Variants in NADSYN1 observed in about 807,000 individuals in gnomAD.
NADSYN1 encodes the protein NAD synthetase 1.
A neutral mutation model predicts 99.3 loss-of-function variants in NADSYN1; 80 were observed. That is an observed-to-expected ratio of 0.81 (90% CI 0.67 to 0.97). The LOEUF is 0.97. Ranked by LOEUF, NADSYN1 falls within the 50% of genes least tolerant of loss-of-function variation. NADSYN1 has a pLI of 0.00. For synonymous variants in NADSYN1, 385 were observed against 372.1 expected (o/e 1.03, Z -0.40); for missense variants, 859 against 948.5 (o/e 0.91, Z 1.24).
At chr11:71,463,521 G>T in intron 4 of NADSYN1, 36 bp downstream of exon 4, 1 of 1,595,792 alleles carries the variant, frequency 6.3e-7, no homozygotes, top group Non-Finnish European at 8.6e-7. Flanking sequence ...AGGGTGACTG[G>T]GGCCTCTCCC....
intron 16 of NADSYN1, among the ~76,000 whole-genome samples, chr11:71,485,957 T>A (rs1949739823): frequency 6.6e-6 from 1 of 152,232 alleles, no homozygotes; most frequent in African/African-American, 2.4e-5. Flanking sequence ...GCTGTTCCAC[T>A]GTGTCTTAAG....
rs369492727 is a variant in NADSYN1 at position 71,501,357 on chromosome 11, G to A, written c.*5G>A. 38 of 1,602,582 alleles carry A rather than the reference G, an allele frequency of 2.4e-5. No individual in the cohort carries two copies. In the African/African-American group the frequency reaches 2.5e-4, roughly 11 times the overall value. On this transcript the variant is annotated 3_prime_UTR_variant, in exon 21 of 21. Coordinates refer to ENST00000319023, the MANE Select transcript of NADSYN1 (RefSeq NM_018161.5). Reference sequence around the variant, plus strand: ...TCCCTGGACGGCGTGGACTGAGGCCGGTTCCTTCCTGGAGGCCTCCTGTCC... The same window carrying A: ...TCCCTGGACGGCGTGGACTGAGGCCAGTTCCTTCCTGGAGGCCTCCTGTCC...
rs1363260896 is a variant in NADSYN1 at position 71,464,159 on chromosome 11, A to G, written c.407+17A>G. Reference sequence around the variant, plus strand: ...GAGGAGTCGGTGAGTCGGGTGCCTGACCACTCCTGGGATGTGCGTTAAGCA... The same window carrying G: ...GAGGAGTCGGTGAGTCGGGTGCCTGGCCACTCCTGGGATGTGCGTTAAGCA... On this transcript the variant is annotated intron_variant, in intron 5 of 20. Transcript: ENST00000319023. 3.1e-6 allele frequency: 5 copies of G among 1,590,554 alleles called. No homozygotes were observed. Among genetic ancestry groups the G allele is most frequent in the Non-Finnish European group, 4.3e-6 (5 of 1,166,466 alleles).
chr11:71,455,108 A>G lies in NADSYN1; in HGVS notation c.86-2A>G. ...ATTTTCTTTTTCTCTCTGTACTTAC[A>G]GGTATTGAAATTGCCAAAAACAGAG... On this transcript the variant is annotated splice_acceptor_variant, in intron 1 of 20. Coordinates refer to ENST00000319023, the MANE Select transcript of NADSYN1 (RefSeq NM_018161.5). LOFTEE classifies it high-confidence loss of function. 1 of 1,612,132 alleles carries G rather than the reference A, an allele frequency of 6.2e-7. No individual in the cohort carries two copies. The highest frequency in any genetic ancestry group is 8.5e-7 in the Non-Finnish European group (1 of 1,178,270).
At chr11:71,497,711 C>T (rs1002310210) in intron 19 of NADSYN1, 100 bp downstream of exon 19, 338 of 1,448,752 alleles carry the variant, frequency 2.3e-4, no homozygotes, top group Non-Finnish European at 3.2e-4. Context: ...AACAGTGTGA[C>T]CCTAACGTAA....
chr11:71,475,989 C>T (rs984614775), intron 9 of NADSYN1: 3 of 455,426 alleles, frequency 6.6e-6, no homozygotes, highest in Admixed American at 2.3e-5. Flanking sequence ...GCTGGGATTA[C>T]AGGTGTGAGC....
chr11:71,499,561 G>A (rs1257077278), intron 20 of NADSYN1: 1 of 152,150 alleles, frequency 6.6e-6, no homozygotes, highest in Non-Finnish European at 1.5e-5. Context: ...AACCCACCCT[G>A]CTTTCCTTTT....
chr11:71,496,610 C>T (rs1949820963), intron 18 of NADSYN1: 1 of 152,724 alleles, frequency 6.5e-6, no homozygotes, highest in East Asian at 1.9e-4. Context: ...GTGACCCCTG[C>T]TCTAGGGGAT....
Position 71,453,233 on chromosome 11 carries a change from A to G in NADSYN1, c.-64A>G. The G allele has an allele frequency of 6.8e-7, 1 of 1,466,076 alleles. No individual in the cohort carries two copies. The allele number at this position is 1,466,076 out of a possible 1,614,324, so 90.8% of individuals were successfully genotyped here. A position where few individuals can be genotyped will look rare whatever the true frequency, so the allele number is the denominator to read the frequency against. ...GGAAGGTCCGGCGTCCCAGCCGCCT[A>G]CCTCGCTGGGACCCTGGTCTTGCTG... On this transcript the variant is annotated 5_prime_UTR_variant, in exon 1 of 21. Coordinates refer to ENST00000319023, the MANE Select transcript of NADSYN1 (RefSeq NM_018161.5).
chr11:71,477,614 A>G (rs536763803), intron 9 of NADSYN1, among the ~76,000 whole-genome samples: 714 of 152,346 alleles, frequency 4.7e-3, no homozygotes, highest in Non-Finnish European at 8.0e-3. Context: ...AATAACCCCT[A>G]TGAGTTAAAA....
At chr11:71,463,951 ACT>A (rs1011378136) in intron 4 of NADSYN1, 100 bp from the exon 5 acceptor site, 1 of 970,492 alleles carries the variant, frequency 1.0e-6, no homozygotes, top group Non-Finnish European at 1.6e-6. Context: ...TCTCAAGCTG[ACT>A]CTGCATGGCA....
At chr11:71,490,197 C>G (rs1949769591) in intron 16 of NADSYN1, among the ~76,000 whole-genome samples, 1 of 152,178 alleles carries the variant, frequency 6.6e-6, no homozygotes, top group Non-Finnish European at 1.5e-5. Flanking sequence ...ACGACGCCTC[C>G]TCCGTCTTCA....
intron 20 of NADSYN1, among the ~76,000 whole-genome samples, chr11:71,500,748 G>A (rs1244264509): frequency 6.6e-6 from 1 of 152,170 alleles, no homozygotes; most frequent in East Asian, 1.9e-4. Flanking sequence ...CAGGCCAGGT[G>A]GCTGCTGCCC....
chr11:71,489,980 G>A (rs1182442089), intron 16 of NADSYN1, among the ~76,000 whole-genome samples: 1 of 152,192 alleles, frequency 6.6e-6, no homozygotes, highest in Non-Finnish European at 1.5e-5. Flanking sequence ...GCGGGGTGGG[G>A]TGGAGAAGGA....
At chr11:71,491,678 G>T (rs562219717) in intron 17 of NADSYN1, among the ~76,000 whole-genome samples, 156 bp from the exon 18 acceptor site, 1 of 152,314 alleles carries the variant, frequency 6.6e-6, no homozygotes, top group Admixed American at 6.5e-5. Flanking sequence ...ACCCCCGCTG[G>T]AAAGCCCAGC....
At position 71,473,370 on chromosome 11, in the gene NADSYN1, A is replaced by G. The variant is rs754105850; in HGVS notation, c.548+4A>G. ...AGGAGCTCTGGACACCCCACAGGTC[A>G]GCCCCATGCCCCTGTGCTGTCTGAT... On this transcript the variant is annotated splice_donor_region_variant and intron_variant, in intron 7 of 20. Coordinates refer to ENST00000319023, the MANE Select transcript of NADSYN1 (RefSeq NM_018161.5). The G allele has an allele frequency of 6.2e-7, 1 of 1,613,662 alleles. No homozygotes were observed. Among genetic ancestry groups the G allele is most frequent in the Non-Finnish European group, 8.5e-7 (1 of 1,179,578 alleles).
chr11:71,470,492 C>T (rs879842697), intron 5 of NADSYN1, among the ~76,000 whole-genome samples: 1 of 152,232 alleles, frequency 6.6e-6, no homozygotes, highest in Non-Finnish European at 1.5e-5. Flanking sequence ...ATTTTAATAT[C>T]CTTTAATTAC....
intron 1 of NADSYN1, among the ~76,000 whole-genome samples, chr11:71,453,822 A>G (rs919811245): frequency 6.6e-6 from 1 of 152,088 alleles, no homozygotes; most frequent in African/African-American, 2.4e-5. Context: ...CGTCCCAGAA[A>G]GGGAAGTAGA....
chr11:71,455,330 G>T, intron 2 of NADSYN1, 160 bp downstream of exon 2: 1 of 595,630 alleles, frequency 1.7e-6, no homozygotes, highest in East Asian at 2.8e-5. Flanking sequence ...ACCTGAGCAA[G>T]GGCAGGCCCA....
Sources: allele counts gnomAD v4.1 joint callset (sites outside exome capture counted in the v4.1 genomes callset), GRCh38; gene constraint gnomAD v4.1.1; transcripts MANE v1.5; gene names NCBI Gene and HGNC (gene_info 2026-07-23, HGNC 2026-07-21).